PCDHGA5: variants seen among roughly 807,000 people sequenced by gnomAD.
The protein encoded by PCDHGA5 is protocadherin gamma-A5.
PCDHGA5 carries 36 observed loss-of-function variants against 56.7 expected under a neutral mutation model. That is an observed-to-expected ratio of 0.64 (90% CI 0.49 to 0.84). PCDHGA5 has a LOEUF of 0.84. Ranked by LOEUF, PCDHGA5 falls within the 40% of genes least tolerant of loss-of-function variation. The probability of loss-of-function intolerance (pLI) is 0.00; values close to 1 mark genes in which losing one functional copy is unlikely to be tolerated. For missense variants in PCDHGA5, 1,305 were observed against 1,201.5 expected, an observed-to-expected ratio of 1.09 and a Z score of -1.27; for synonymous variants, 563 against 520.2, an observed-to-expected ratio of 1.08 and a Z score of -1.12.
intron 1 of PCDHGA5, chr5:141,415,033 C>G (rs1207811183): frequency 1.2e-6 from 2 of 1,613,456 alleles, no homozygotes; most frequent in South Asian, 1.1e-5. Flanking sequence ...CGAGCCGGGA[C>G]TCTTCGCGGT....
chr5:141,505,143 C>G lies in PCDHGA5; in HGVS notation c.2481-250C>G, dbSNP rs578261428. ...CGCCACTGCACTCCAGCCTGGATGA[C>G]AGAGTAAGACCCTGTCTAAAACAAA... On this transcript the variant is annotated intron_variant, in intron 2 of 3. Coordinates refer to ENST00000518069, the MANE Select transcript of PCDHGA5 (RefSeq NM_018918.3). Among the ~76,000 whole-genome samples the G allele has an allele frequency of 3.3e-5, 5 of 152,290 alleles. No homozygotes were observed. The East Asian group carries it at 7.7e-4, about 24-fold the overall frequency.
intron 1 of PCDHGA5, among the ~76,000 whole-genome samples, chr5:141,368,072 C>G (rs1432840614): frequency 6.6e-6 from 1 of 152,176 alleles, no homozygotes; most frequent in Non-Finnish European, 1.5e-5. Context: ...TATTTCCCTT[C>G]TGCATCTGAT....
rs1188870363 is a variant in PCDHGA5 at position 141,490,058 on chromosome 5, C to T, written c.2422-4749C>T. ...AATGCCACTGATCCAGACGAGGGCA[C>T]CAACGGCCAACTAGACTATTCTTTT... On this transcript the variant is annotated intron_variant, in intron 1 of 3. Coordinates refer to ENST00000518069, the MANE Select transcript of PCDHGA5 (RefSeq NM_018918.3). The surrounding 1 kb of genome is among the most constrained non-coding windows in gnomAD (Gnocchi z 5.4). The T allele has an allele frequency of 6.2e-7, 1 of 1,614,230 alleles. No individual in the cohort carries two copies. Among genetic ancestry groups the T allele is most frequent in the South Asian group, 1.1e-5 (1 of 91,084 alleles).
intron 1 of PCDHGA5, chr5:141,375,931 T>G (rs746995876): frequency 2.5e-6 from 4 of 1,613,540 alleles, no homozygotes; most frequent in Non-Finnish European, 3.4e-6. Context: ...AGCCAGGACT[T>G]TTCTCAGTGG....
intron 1 of PCDHGA5, chr5:141,370,299 G>A (rs914086562): frequency 8.6e-7 from 1 of 1,160,314 alleles, no homozygotes; most frequent in African/African-American, 1.5e-5. Flanking sequence ...CAAGCACAAA[G>A]ACAAAGCAAA....
intron 2 of PCDHGA5, among the ~76,000 whole-genome samples, chr5:141,500,216 ATTT>A (rs979396489): frequency 3.1e-4 from 46 of 149,244 alleles, no homozygotes; most frequent in Non-Finnish European, 6.7e-4. Context: ...TTATTTATTT[ATTT>A]ATTTATTGAT....
intron 1 of PCDHGA5, among the ~76,000 whole-genome samples, chr5:141,455,410 G>A (rs1332059386): frequency 6.6e-6 from 1 of 152,130 alleles, no homozygotes; most frequent in Non-Finnish European, 1.5e-5. Context: ...CAGAGACAGA[G>A]GGAGCGGGGC....
At chr5:141,418,621 C>G (rs765634746) in intron 1 of PCDHGA5, 2 of 1,613,916 alleles carry the variant, frequency 1.2e-6, no homozygotes, top group Non-Finnish European at 1.7e-6. Flanking sequence ...TTCGGGAAGA[C>G]GTGCCTCCAG....
At chr5:141,383,566 T>C (rs1357683326) in intron 1 of PCDHGA5, 2 of 1,613,308 alleles carry the variant, frequency 1.2e-6, no homozygotes, top group Non-Finnish European at 1.7e-6. Context: ...CCCGCCCCGA[T>C]CCAGCACCGC....
chr5:141,408,728 C>A lies in PCDHGA5; in HGVS notation c.2421+41977C>A, dbSNP rs371316574. 3.7e-6 allele frequency: 6 copies of A among 1,610,174 alleles called. No individual in the cohort carries two copies. In the African/African-American group the frequency reaches 8.0e-5, roughly 22 times the overall value. ...TAAAGATTATAAGATAAACTCTAATCCTTATTTTTCATTAATGGTTAGAGT... is the reference window on the plus strand; with the variant it reads ...TAAAGATTATAAGATAAACTCTAATACTTATTTTTCATTAATGGTTAGAGT... On this transcript the variant is annotated intron_variant, in intron 1 of 3. Transcript: ENST00000518069.
At chr5:141,462,415 C>G (rs998182982) in intron 1 of PCDHGA5, among the ~76,000 whole-genome samples, 2 of 152,092 alleles carry the variant, frequency 1.3e-5, no homozygotes, top group Non-Finnish European at 2.9e-5. Context: ...AGAATATGGT[C>G]TATCTTGGTG....
chr5:141,387,840 C>T, intron 1 of PCDHGA5: 2 of 1,597,864 alleles, frequency 1.3e-6, no homozygotes, highest in Non-Finnish European at 1.7e-6. Context: ...TTATTTGTAA[C>T]CCGGCGTCTC....
chr5:141,417,851 G>T (rs1196210157), intron 1 of PCDHGA5: 1 of 1,543,508 alleles, frequency 6.5e-7, no homozygotes. Flanking sequence ...GCGAGAACCC[G>T]AGCGAACGAT....
At chr5:141,413,748 T>G (rs1264580781) in intron 1 of PCDHGA5, 1 of 1,613,288 alleles carries the variant, frequency 6.2e-7, no homozygotes, top group Admixed American at 1.7e-5. Flanking sequence ...GCCGTGCCAA[T>G]GGCGTCAAGT....
Position 141,431,877 on chromosome 5 carries a change from A to G in PCDHGA5, c.2422-62930A>G. On this transcript the variant is annotated intron_variant, in intron 1 of 3. Coordinates refer to ENST00000518069, the MANE Select transcript of PCDHGA5 (RefSeq NM_018918.3). The surrounding 1 kb of genome is among the most constrained non-coding windows in gnomAD (Gnocchi z 4.8). ...TTAATTGCCCTTTTAAATGTAAATG[A>G]CCAAGATTCTGAGGAAAACGGACAG... is the stretch of plus-strand genomic sequence containing the variant. 8 of 1,614,230 alleles carry G rather than the reference A, an allele frequency of 5.0e-6. No individual in the cohort carries two copies. Among genetic ancestry groups the G allele is most frequent in the Non-Finnish European group, 6.8e-6 (8 of 1,180,016 alleles).
At chr5:141,370,428 G>A in intron 1 of PCDHGA5, 1 of 1,598,310 alleles carries the variant, frequency 6.3e-7, no homozygotes, top group Non-Finnish European at 8.5e-7. Context: ...GGGCCCAGCA[G>A]GGCAGAGGCG....
intron 1 of PCDHGA5, among the ~76,000 whole-genome samples, chr5:141,492,421 C>G (rs986772215): frequency 5.9e-5 from 9 of 152,250 alleles, no homozygotes; most frequent in African/African-American, 1.9e-4. Context: ...CTCCCTCCGC[C>G]GGGCTCAGGA....
intron 1 of PCDHGA5, chr5:141,405,510 C>T: frequency 1.4e-6 from 1 of 732,922 alleles, no homozygotes; most frequent in Non-Finnish European, 2.2e-6. Context: ...ACCTCCGCCT[C>T]CCAAATTCAA....
chr5:141,420,547 G>A (rs898726649), intron 1 of PCDHGA5: 1 of 278,678 alleles, frequency 3.6e-6, no homozygotes, highest in Non-Finnish European at 6.4e-6. Context: ...TAAAATACAG[G>A]TATATTTTTA....
Sources: gnomAD v4.1 joint callset for allele counts (sites outside exome capture counted in the v4.1 genomes callset) on GRCh38, gnomAD v4.1.1 for gene constraint, Gnocchi (gnomAD v3.1) non-coding constraint, MANE v1.5 for transcripts, NCBI Gene and HGNC (gene_info 2026-07-23, HGNC 2026-07-21) for gene names.